The following FBXO25 variants were observed in gnomAD, a reference collection of about 807,000 sequenced individuals.
FBXO25 encodes F-box protein 25.
In FBXO25, 45 loss-of-function variants were observed where a neutral mutation model predicts 51.9. That is an observed-to-expected ratio of 0.87 (90% CI 0.68 to 1.11). The LOEUF is 1.11. Among genes scored for constraint, FBXO25 ranks in the 50% most tolerant of loss-of-function variants. The pLI is 0.00. For synonymous variants in FBXO25, 199 were observed against 151.0 expected (o/e 1.32, Z -2.33); for missense variants, 507 against 428.5 (o/e 1.18, Z -1.62).
Position 472,601 on chromosome 8 carries a change from T to A in FBXO25, c.*3797T>A, listed in dbSNP as rs1413848354. ...CTTAGAAAGTGTTCCCTCTTCTGTG[T>A]TTTGGAAGTGTTTGTGGTGGTTTCT... On this transcript the variant is annotated 3_prime_UTR_variant, in exon 10 of 10. Transcript: ENST00000350302. 2 of 151,232 alleles carry A rather than the reference T, an allele frequency of 1.3e-5. No individual in the cohort carries two copies. Among genetic ancestry groups the A allele is most frequent in the Non-Finnish European group, 2.9e-5 (2 of 67,852 alleles). The allele number at this position is 151,232 out of a possible 1,614,324, so 9.4% of individuals were successfully genotyped here.
At chr8:452,062 GCCTTAC>G (rs1487040530) in intron 7 of FBXO25, among the ~76,000 whole-genome samples, 1 of 152,176 alleles carries the variant, frequency 6.6e-6, no homozygotes, top group African/African-American at 2.4e-5. Flanking sequence ...TTAGCGGTGT[GCCTTAC>G]GTAGCCTTGG....
chr8:435,921 G>T (rs1329875157), intron 5 of FBXO25, among the ~76,000 whole-genome samples: 1 of 152,210 alleles, frequency 6.6e-6, no homozygotes, highest in African/African-American at 2.4e-5. Flanking sequence ...CAGAGCCTCA[G>T]TGGGAGCAAA....
At chr8:463,886 T>A (rs944102965) in intron 9 of FBXO25, among the ~76,000 whole-genome samples, 5 of 152,226 alleles carry the variant, frequency 3.3e-5, no homozygotes, top group Non-Finnish European at 5.9e-5. Context: ...TCATCACGGC[T>A]CACTGCAGCC....
At chr8:465,967 A>G (rs1800132387) in intron 9 of FBXO25, among the ~76,000 whole-genome samples, 1 of 152,198 alleles carries the variant, frequency 6.6e-6, no homozygotes, top group Admixed American at 6.5e-5. Flanking sequence ...GAAATTGAGA[A>G]CAAGTCTCTC....
intron 2 of FBXO25, among the ~76,000 whole-genome samples, chr8:421,975 A>G (rs1411528017): frequency 6.6e-6 from 1 of 152,248 alleles, no homozygotes; most frequent in Non-Finnish European, 1.5e-5. Flanking sequence ...AAATGAATGT[A>G]TAAGTGAGGG....
At position 468,884 on chromosome 8, in the gene FBXO25, G is replaced by T. The variant is rs1233262255; in HGVS notation, c.*80G>T. 7.4e-7 allele frequency: 1 copy of T among 1,356,824 alleles called. No individual in the cohort carries two copies. The highest frequency in any genetic ancestry group is 1.0e-6 in the Non-Finnish European group (1 of 983,828). The allele number at this position is 1,356,824 out of a possible 1,614,324, so 84.0% of individuals were successfully genotyped here. On this transcript the variant is annotated 3_prime_UTR_variant, in exon 10 of 10. Transcript: ENST00000350302. ...CTCATAGTGAGTGTTCTGTGAGGTG[G>T]GTGGAGACTCCTCGGAAGCCCCTGC...
intron 1 of FBXO25, among the ~76,000 whole-genome samples, chr8:408,016 C>G (rs926573454): frequency 2.6e-5 from 4 of 152,202 alleles, no homozygotes; most frequent in Non-Finnish European, 4.4e-5. Context: ...TCAGAAAAGA[C>G]GTTTACTCTT....
chr8:414,630 G>A (rs557793460), intron 2 of FBXO25, among the ~76,000 whole-genome samples: 1 of 152,094 alleles, frequency 6.6e-6, no homozygotes, highest in Non-Finnish European at 1.5e-5. Flanking sequence ...CATAAAATTA[G>A]AGAATACAGT....
At chr8:459,318 T>C (rs553800384) in intron 8 of FBXO25, among the ~76,000 whole-genome samples, 13 of 152,292 alleles carry the variant, frequency 8.5e-5, no homozygotes, top group African/African-American at 3.1e-4. Context: ...ATGAGGAGCA[T>C]AGCCTACCCT....
At chr8:443,376 T>G (rs1424651219) in intron 5 of FBXO25, among the ~76,000 whole-genome samples, 1 of 151,186 alleles carries the variant, frequency 6.6e-6, no homozygotes, top group Non-Finnish European at 1.5e-5. Flanking sequence ...ACAAGATAAT[T>G]TGTAGAGTAT....
In FBXO25 at chr8:472,418, T is replaced by G. The variant is rs189225528; in HGVS notation, c.*3614T>G. On this transcript the variant is annotated 3_prime_UTR_variant, in exon 10 of 10. Transcript: ENST00000350302. ...GGGTCAAAGCCCACTAAGTCATGGT[T>G]TATGATACCTTTTATACATAGCTGT... 3 of 152,386 alleles carry G rather than the reference T, an allele frequency of 2.0e-5. No homozygotes were observed. Among genetic ancestry groups the G allele is most frequent in the African/African-American group, 7.2e-5 (3 of 41,590 alleles). The allele number at this position is 152,386 out of a possible 1,614,324, so 9.4% of individuals were successfully genotyped here. A position where few individuals can be genotyped will look rare whatever the true frequency, so the allele number is the denominator to read the frequency against.
intron 5 of FBXO25, among the ~76,000 whole-genome samples, chr8:448,945 T>C (rs904298887): frequency 2.2e-4 from 34 of 152,306 alleles, no homozygotes; most frequent in Non-Finnish European, 4.4e-4. Context: ...TGCAAACATT[T>C]CTAAATTTCA....
At position 471,759 on chromosome 8, in the gene FBXO25, A is replaced by C. The variant is rs950481155; in HGVS notation, c.*2955A>C. The C allele has an allele frequency of 6.6e-6, 1 of 152,274 alleles. No individual in the cohort carries two copies. Among genetic ancestry groups the C allele is most frequent in the Non-Finnish European group, 1.5e-5 (1 of 68,064 alleles). 9.4% of individuals were successfully genotyped at this position (152,274 alleles called of 1,614,324 possible). On this transcript the variant is annotated 3_prime_UTR_variant, in exon 10 of 10. Coordinates refer to ENST00000350302, the MANE Select transcript of FBXO25 (RefSeq NM_183420.2). ...CACACAAATTGGAAAGCCATGCAGT[A>C]GCCTCTCAGGAGCAGACCGATTTGT...
At chr8:443,292 G>A (rs920869416) in intron 5 of FBXO25, among the ~76,000 whole-genome samples, 4 of 148,918 alleles carry the variant, frequency 2.7e-5, no homozygotes, top group Admixed American at 2.0e-4. Flanking sequence ...TTGAAATGCC[G>A]GTATTGATAA....
chr8:459,148 C>T (rs930403193), intron 8 of FBXO25, among the ~76,000 whole-genome samples: 1 of 152,210 alleles, frequency 6.6e-6, no homozygotes, highest in African/African-American at 2.4e-5. Context: ...TGGGGGTTCC[C>T]CTCGTCACCC....
chr8:450,894 C>G (rs973450293), intron 6 of FBXO25: 24 of 185,178 alleles, frequency 1.3e-4, no homozygotes, highest in Non-Finnish European at 2.1e-4. Context: ...GAAACTCATA[C>G]CACCTTAAAC....
chr8:407,956 C>T (rs1796264625), intron 1 of FBXO25, among the ~76,000 whole-genome samples: 1 of 152,160 alleles, frequency 6.6e-6, no homozygotes, highest in Non-Finnish European at 1.5e-5. Context: ...CATTTCTTCC[C>T]TTATGAAGCT....
chr8:466,101 C>G (rs1156272569), intron 9 of FBXO25, among the ~76,000 whole-genome samples: 1 of 152,192 alleles, frequency 6.6e-6, no homozygotes, highest in Non-Finnish European at 1.5e-5. Flanking sequence ...CACTGAATAT[C>G]ATTCTAGAAG....
At chr8:407,572 C>G (rs1314203425) in intron 1 of FBXO25, among the ~76,000 whole-genome samples, 223 of 152,112 alleles carry the variant, frequency 1.5e-3, no homozygotes, top group African/African-American at 5.1e-3. Flanking sequence ...CCTCCTGGGC[C>G]GTCTTGCAGG....
Sources: gnomAD v4.1 joint callset for allele counts (sites outside exome capture counted in the v4.1 genomes callset) on GRCh38, gnomAD v4.1.1 for gene constraint, MANE v1.5 for transcripts, NCBI Gene and HGNC (gene_info 2026-07-23, HGNC 2026-07-21) for gene names.